RANBP17: variants seen among roughly 807,000 people sequenced by gnomAD.
The protein encoded by RANBP17 is ran-binding protein 17.
Under a neutral mutation model 141.2 loss-of-function variants are expected in RANBP17, and 158 were observed. The ratio of observed to expected loss-of-function variants is 1.12; its 90% confidence interval spans 0.98 to 1.28. RANBP17 has a LOEUF of 1.28. Among genes scored for constraint, RANBP17 ranks in the 50% most tolerant of loss-of-function variants. RANBP17 has a pLI of 0.00. For synonymous variants in RANBP17, 430 were observed against 450.0 expected, an observed-to-expected ratio of 0.96 and a Z score of 0.56; for missense variants, 1,438 against 1,290.7, an observed-to-expected ratio of 1.11 and a Z score of -1.75.
intron 14 of RANBP17, among the ~76,000 whole-genome samples, chr5:171,008,427 C>T (rs372700837): frequency 4.6e-5 from 7 of 152,230 alleles, no homozygotes; most frequent in East Asian, 3.9e-4. Flanking sequence ...CACGGACGTC[C>T]GTGTGAAGAG....
At chr5:170,974,514 AATCACAT>A (rs1305846280) in intron 14 of RANBP17, among the ~76,000 whole-genome samples, 2 of 152,102 alleles carry the variant, frequency 1.3e-5, no homozygotes, top group Non-Finnish European at 2.9e-5. Context: ...CCCAGGATGG[AATCACAT>A]GCCAGTGGCT....
chr5:170,938,413 A>G (rs1432138365), intron 12 of RANBP17, among the ~76,000 whole-genome samples: 3 of 152,232 alleles, frequency 2.0e-5, no homozygotes, highest in African/African-American at 7.2e-5. Flanking sequence ...AAAAACAATA[A>G]AAGCCAGCAC....
chr5:170,992,723 G>A (rs920579534), intron 14 of RANBP17, among the ~76,000 whole-genome samples: 3 of 152,054 alleles, frequency 2.0e-5, no homozygotes, highest in Non-Finnish European at 4.4e-5. Flanking sequence ...GAGAGTGGGA[G>A]AGAATGTCAG....
intron 14 of RANBP17, among the ~76,000 whole-genome samples, chr5:171,112,607 G>A (rs913074360): frequency 6.6e-6 from 1 of 152,010 alleles, no homozygotes. Flanking sequence ...GACGGATCTG[G>A]TAAAGGAACA....
intron 11 of RANBP17, among the ~76,000 whole-genome samples, chr5:170,922,112 C>T (rs36126028): frequency 0.64 from 97,254 of 151,528 alleles, 31,898 homozygotes; most frequent in South Asian, 0.9. Flanking sequence ...TGGAGTTTGC[C>T]GGAGGTCCAC....
intron 22 of RANBP17, among the ~76,000 whole-genome samples, chr5:171,238,600 C>T (rs2127994377): frequency 6.6e-6 from 1 of 152,286 alleles, no homozygotes; most frequent in South Asian, 2.1e-4. Flanking sequence ...ATTACCCTAG[C>T]TCTTTTCATC....
Position 170,961,266 on chromosome 5 carries a change from T to C in RANBP17, c.1575-6976T>C, listed in dbSNP as rs1021383048. 3.9e-5 allele frequency among the ~76,000 whole-genome samples: 6 copies of C among 152,350 alleles called. No individual in the cohort carries two copies. In the East Asian group the frequency reaches 1.2e-3, roughly 29 times the overall value. The stretch of plus-strand genomic sequence containing the variant: ...TTGTATTTTGAATGCCTGACACATA[T>C]CTGACGTATAGTGGGCCCTCAAATT... On this transcript the variant is annotated intron_variant, in intron 13 of 27. Transcript: ENST00000523189.
intron 22 of RANBP17, among the ~76,000 whole-genome samples, chr5:171,229,850 G>A (rs1460307495): frequency 6.6e-6 from 1 of 150,706 alleles, no homozygotes; most frequent in East Asian, 2.0e-4. Context: ...TGGGTCACCT[G>A]AGGTTGGGAG....
At chr5:170,971,432 T>G (rs554956437) in intron 14 of RANBP17, among the ~76,000 whole-genome samples, 1 of 152,356 alleles carries the variant, frequency 6.6e-6, no homozygotes, top group African/African-American at 2.4e-5. Flanking sequence ...AATTGAGGTT[T>G]AGAGGGGTTA....
At chr5:171,086,614 A>G (rs968547017) in intron 14 of RANBP17, among the ~76,000 whole-genome samples, 2 of 146,850 alleles carry the variant, frequency 1.4e-5, no homozygotes, top group South Asian at 2.3e-4. Flanking sequence ...TGGTTGGTAA[A>G]CTATTGATTA....
chr5:171,147,772 G>A (rs1758163638), intron 14 of RANBP17, among the ~76,000 whole-genome samples: 2 of 152,124 alleles, frequency 1.3e-5, no homozygotes, highest in South Asian at 2.1e-4. Flanking sequence ...AGGTGGGGGG[G>A]TCAGCCCCCC....
In RANBP17 at chr5:171,299,653, A is replaced by C. The variant is rs1769018297; in HGVS notation, c.*795A>C. On this transcript the variant is annotated 3_prime_UTR_variant, in exon 28 of 28. Coordinates refer to ENST00000523189, the MANE Select transcript of RANBP17 (RefSeq NM_022897.5). Reference sequence around the variant, plus strand: ...AGGTGAAGGTAACTATTAGAATATAATATTTGAAGCAGCTCTGCCTTCTTA... The same window carrying C: ...AGGTGAAGGTAACTATTAGAATATACTATTTGAAGCAGCTCTGCCTTCTTA... 1 of 229,442 alleles carries C rather than the reference A, an allele frequency of 4.4e-6. No homozygotes were observed. Among genetic ancestry groups the C allele is most frequent in the East Asian group, 6.2e-5 (1 of 16,132 alleles). 14.2% of individuals were successfully genotyped at this position (229,442 alleles called of 1,614,324 possible). A position where few individuals can be genotyped will look rare whatever the true frequency, so the allele number is the denominator to read the frequency against.
chr5:171,233,264 C>CA (rs1328524172), intron 22 of RANBP17, among the ~76,000 whole-genome samples: 1 of 152,110 alleles, frequency 6.6e-6, no homozygotes, highest in Non-Finnish European at 1.5e-5. Context: ...ATCTAAGTCC[C>CA]AGAGAGTGAA....
At chr5:171,093,741 C>T (rs907237866) in intron 14 of RANBP17, among the ~76,000 whole-genome samples, 2 of 152,150 alleles carry the variant, frequency 1.3e-5, no homozygotes, top group African/African-American at 4.8e-5. Flanking sequence ...TCACTTATAG[C>T]AGTAATCCTT....
chr5:171,291,418 T>C (rs1561834090), intron 25 of RANBP17, among the ~76,000 whole-genome samples: 1 of 152,198 alleles, frequency 6.6e-6, no homozygotes, highest in Non-Finnish European at 1.5e-5. Context: ...GCCATCCCTG[T>C]AGCAGTATTG....
rs140304002 is a variant in RANBP17 at position 171,181,265 on chromosome 5, G to A, written c.1866-1902G>A. The stretch of plus-strand genomic sequence containing the variant: ...GGAGTTCAAGACCAGCATGACCAAC[G>A]TAGTGAAACCCCATCCCTACTAAAA... On this transcript the variant is annotated intron_variant, in intron 16 of 27. Coordinates refer to ENST00000523189, the MANE Select transcript of RANBP17 (RefSeq NM_022897.5). Among the ~76,000 whole-genome samples, 1,304 of 152,098 alleles carry A rather than the reference G, an allele frequency of 8.6e-3. 11 individuals are homozygous for A. Among genetic ancestry groups the A allele is most frequent in the Non-Finnish European group, 0.013 (854 of 67,966 alleles).
At chr5:170,941,191 T>C (rs76200948) in intron 12 of RANBP17, among the ~76,000 whole-genome samples, 4,602 of 151,976 alleles carry the variant, frequency 0.03, 232 homozygotes, top group African/African-American at 0.1. Context: ...AGAATCTAAC[T>C]TGAGAAGTTA....
intron 25 of RANBP17, among the ~76,000 whole-genome samples, chr5:171,284,979 C>T (rs1041940831): frequency 5.2e-5 from 6 of 115,406 alleles, no homozygotes; most frequent in African/African-American, 1.3e-4. Flanking sequence ...GCATAAAAGC[C>T]CTTTTATAGC....
At chr5:171,013,087 G>A (rs1346060894) in intron 14 of RANBP17, among the ~76,000 whole-genome samples, 5 of 152,258 alleles carry the variant, frequency 3.3e-5, no homozygotes, top group East Asian at 1.9e-4. Context: ...GTATGTGTAC[G>A]TTCAGCTTAG....
Sources: gnomAD v4.1 joint callset for allele counts (sites outside exome capture counted in the v4.1 genomes callset) on GRCh38, gnomAD v4.1.1 for gene constraint, MANE v1.5 for transcripts, NCBI Gene and HGNC (gene_info 2026-07-23, HGNC 2026-07-21) for gene names.